Variants in CDK19 observed in about 807,000 individuals in gnomAD.
CDK19 encodes cyclin dependent kinase 19.
A neutral mutation model predicts 68.3 loss-of-function variants in CDK19; 20 were observed. That is an observed-to-expected ratio of 0.29 (90% CI 0.21 to 0.43). The LOEUF (loss-of-function observed/expected upper bound fraction) is 0.43, where lower values mean the gene tolerates loss of function less well. Among genes scored for constraint, CDK19 ranks in the 20% least tolerant of loss-of-function variants. The pLI is 1.00. For missense variants in CDK19, 339 were observed against 623.5 expected, an observed-to-expected ratio of 0.54 and a Z score of 4.86; for synonymous variants, 221 against 222.8, an observed-to-expected ratio of 0.99 and a Z score of 0.07.
chr6:110,766,501 C>T (rs143315062), intron 1 of CDK19, among the ~76,000 whole-genome samples: 331 of 152,170 alleles, frequency 2.2e-3, no homozygotes, highest in Middle Eastern at 6.8e-3. Context: ...TCCTTTGAAA[C>T]CGGGAGGCAG....
At chr6:110,698,787 T>C (rs1173028966) in intron 2 of CDK19, among the ~76,000 whole-genome samples, 1 of 151,628 alleles carries the variant, frequency 6.6e-6, no homozygotes, top group Non-Finnish European at 1.5e-5. Flanking sequence ...ATAAAGAAAA[T>C]GTGGTAGATA....
At chr6:110,767,193 T>C (rs1583054717) in intron 1 of CDK19, among the ~76,000 whole-genome samples, 1 of 149,218 alleles carries the variant, frequency 6.7e-6, no homozygotes, top group Admixed American at 6.7e-5. Context: ...AAGTACCAAG[T>C]AGAACAGTGG....
chr6:110,614,136 C>A lies in CDK19; in HGVS notation c.*399G>T, dbSNP rs1317514135. ...AGTTCATGAAGTATAAAACTATACACCACTGGAATCCTGTTTCTAAAACAT... is the reference window on the plus strand; with the variant it reads ...AGTTCATGAAGTATAAAACTATACAACACTGGAATCCTGTTTCTAAAACAT... On this transcript the variant is annotated 3_prime_UTR_variant, in exon 13 of 13. Transcript: ENST00000368911. The A allele has an allele frequency of 1.1e-4, 17 of 161,460 alleles. No individual in the cohort carries two copies. In the South Asian group the frequency reaches 3.1e-3, roughly 30 times the overall value. 10.0% of individuals were successfully genotyped at this position (161,460 alleles called of 1,614,324 possible). A position where few individuals can be genotyped will look rare whatever the true frequency, so the allele number is the denominator to read the frequency against.
chr6:110,654,942 CAAAA>C (rs200143899), intron 4 of CDK19, among the ~76,000 whole-genome samples: 1 of 110,436 alleles, frequency 9.1e-6, no homozygotes, highest in Admixed American at 9.3e-5. Flanking sequence ...ACTCTGTCTC[CAAAA>C]AAAAAAAAAG....
At chr6:110,811,674 T>C (rs1002179269) in intron 1 of CDK19, among the ~76,000 whole-genome samples, 3 of 152,102 alleles carry the variant, frequency 2.0e-5, no homozygotes, top group Admixed American at 2.0e-4. Context: ...ATGAAGAAAA[T>C]TTATTTTATG....
chr6:110,691,311 A>G (rs1246888506), intron 2 of CDK19, among the ~76,000 whole-genome samples: 7 of 152,056 alleles, frequency 4.6e-5, no homozygotes, highest in Admixed American at 4.6e-4. Flanking sequence ...CGTCTCTACT[A>G]AAAATACAAA....
At chr6:110,681,793 CCATGCCAGATACTCACAGCATAGTAA>C (rs1203664193) in intron 2 of CDK19, among the ~76,000 whole-genome samples, 1 of 152,228 alleles carries the variant, frequency 6.6e-6, no homozygotes, top group Non-Finnish European at 1.5e-5. Flanking sequence ...ATAACATCTT[CCATGCCAGATACTCACAGCATAGTAA>C]CATGATCCCA....
chr6:110,795,757 T>G (rs1047264739), intron 1 of CDK19, among the ~76,000 whole-genome samples: 2 of 152,006 alleles, frequency 1.3e-5, no homozygotes, highest in African/African-American at 2.4e-5. Context: ...TAGGAAAAAC[T>G]TAAATGTTCA....
intron 1 of CDK19, among the ~76,000 whole-genome samples, chr6:110,793,719 A>G (rs1781748786): frequency 6.6e-6 from 1 of 152,300 alleles, no homozygotes; most frequent in African/African-American, 2.4e-5. Context: ...GCATTTGCTT[A>G]CCATTTGGTT....
In CDK19 at chr6:110,610,454, T is replaced by C. The variant is rs574292356; in HGVS notation, c.*4081A>G. On this transcript the variant is annotated 3_prime_UTR_variant, in exon 13 of 13. Transcript: ENST00000368911. ...TTAAATAGTATTAATTTACTAAATA[T>C]TTAGGAGATAACAGTGCATTAAGGG... 10 of 152,494 alleles carry C rather than the reference T, an allele frequency of 6.6e-5. No individual in the cohort carries two copies. The highest frequency in any genetic ancestry group is 2.4e-4 in the African/African-American group (10 of 41,472). The allele number at this position is 152,494 out of a possible 1,614,324, so 9.4% of individuals were successfully genotyped here. A position where few individuals can be genotyped will look rare whatever the true frequency, so the allele number is the denominator to read the frequency against.
chr6:110,731,113 AG>A (rs1776718533), intron 2 of CDK19, among the ~76,000 whole-genome samples: 1 of 147,446 alleles, frequency 6.8e-6, no homozygotes, highest in South Asian at 2.3e-4. Context: ...AAGAAAAGAA[AG>A]GAAAAGAAAA....
At chr6:110,733,930 T>C (rs1049117686) in intron 2 of CDK19, among the ~76,000 whole-genome samples, 1 of 152,134 alleles carries the variant, frequency 6.6e-6, no homozygotes, top group African/African-American at 2.4e-5. Context: ...ATTTCCAGCA[T>C]TCCTCTCCTT....
rs192020699 is a variant in CDK19, at chr6:110,744,555, G to A, written c.204+1571C>T. The stretch of plus-strand genomic sequence containing the variant: ...TCTAAAAAAAAATTTAAAAATAAAA[G>A]TAACACAAACTTAGAATTGTGGACC... On this transcript the variant is annotated intron_variant, in intron 2 of 12. Transcript: ENST00000368911. 2.1e-3 allele frequency among the ~76,000 whole-genome samples: 323 copies of A among 152,164 alleles called. 1 individual carries two copies. The highest frequency in any genetic ancestry group is 4.0e-3 in the Non-Finnish European group (271 of 67,998).
intron 2 of CDK19, among the ~76,000 whole-genome samples, chr6:110,675,024 A>G (rs1771372129): frequency 6.6e-6 from 1 of 152,224 alleles, no homozygotes; most frequent in African/African-American, 2.4e-5. Flanking sequence ...AGGTTGGTTC[A>G]TGAGGCTTAA....
intron 2 of CDK19, among the ~76,000 whole-genome samples, chr6:110,739,515 GCCCTTCAC>G (rs570765025): frequency 1.3e-3 from 195 of 152,094 alleles, no homozygotes; most frequent in African/African-American, 4.4e-3. Flanking sequence ...CTCAACCTAT[GCCCTTCAC>G]CCTACTTCCC....
At chr6:110,784,158 CAAAAA>C (rs1170140844) in intron 1 of CDK19, among the ~76,000 whole-genome samples, 4 of 61,488 alleles carry the variant, frequency 6.5e-5, no homozygotes, top group Non-Finnish European at 1.3e-4. Context: ...GACTTCGTCT[CAAAAA>C]AAAAAAAAAA....
chr6:110,719,394 T>C (rs978190494), intron 2 of CDK19, among the ~76,000 whole-genome samples: 2 of 152,120 alleles, frequency 1.3e-5, no homozygotes, highest in Non-Finnish European at 2.9e-5. Flanking sequence ...CCACTATGCC[T>C]ATGCCTGCAG....
At chr6:110,718,638 CA>C (rs34228815) in intron 2 of CDK19, among the ~76,000 whole-genome samples, 6,326 of 125,348 alleles carry the variant, frequency 0.05, 167 homozygotes, top group African/African-American at 0.098. Context: ...CTTCAAAGTC[CA>C]AAAAAAAAAA....
intron 5 of CDK19, among the ~76,000 whole-genome samples, chr6:110,637,027 G>GT (rs1414019274): frequency 6.6e-6 from 1 of 152,262 alleles, no homozygotes; most frequent in Admixed American, 6.5e-5. Flanking sequence ...AGGCAGGGAT[G>GT]TTTGTAGGGA....
Sources: gnomAD v4.1 joint callset for allele counts (sites outside exome capture counted in the v4.1 genomes callset) on GRCh38, gnomAD v4.1.1 for gene constraint, MANE v1.5 for transcripts, NCBI Gene and HGNC (gene_info 2026-07-23, HGNC 2026-07-21) for gene names.